Variants in DOCK2 observed in about 807,000 individuals in gnomAD.
DOCK2 encodes dedicator of cytokinesis 2.
In DOCK2, 87 loss-of-function variants were observed where a neutral mutation model predicts 248.9. That is an observed-to-expected ratio of 0.35 (90% confidence interval 0.29 to 0.42). The LOEUF (loss-of-function observed/expected upper bound fraction) is 0.42, where lower values mean the gene tolerates loss of function less well. Among genes scored for constraint, DOCK2 ranks in the 10% least tolerant of loss-of-function variants. The probability of loss-of-function intolerance (pLI) is 1.00; values close to 1 mark genes in which losing one functional copy is unlikely to be tolerated. For synonymous variants in DOCK2, 805 were observed against 821.6 expected (o/e 0.98, Z 0.35); for missense variants, 1,747 against 2,300.2 (o/e 0.76, Z 4.92).
At chr5:169,823,972 C>T (rs1768664536) in intron 26 of DOCK2, among the ~76,000 whole-genome samples, 1 of 152,130 alleles carries the variant, frequency 6.6e-6, no homozygotes, top group South Asian at 2.1e-4. Context: ...TCTTATACTC[C>T]AATAACAGAC....
intron 25 of DOCK2, among the ~76,000 whole-genome samples, chr5:169,801,893 T>C (rs6890504): frequency 0.18 from 27,947 of 151,636 alleles, 4,190 homozygotes; most frequent in African/African-American, 0.42. Context: ...CTCTGTACCT[T>C]GATAAGGAGA....
intron 30 of DOCK2, chr5:170,000,076 G>C (rs1754780215): frequency 6.6e-6 from 1 of 152,160 alleles, no homozygotes; most frequent in Non-Finnish European, 1.5e-5. Flanking sequence ...CAGTTCATGT[G>C]GTCAGGGAAG....
rs559659541 is a variant in DOCK2 at position 169,803,036 on chromosome 5, C to G, written c.2555-22C>G. ...CTAAAAAATGAGGAATTCTACACTA[C>G]TCTGAACTGTCTTTATTCCAGAATG... On this transcript the variant is annotated intron_variant, in intron 25 of 51. Coordinates refer to ENST00000520908, the MANE Select transcript of DOCK2 (RefSeq NM_004946.3). 1.6e-5 allele frequency: 26 copies of G among 1,613,836 alleles called. No homozygotes were observed. The South Asian group carries it at 2.5e-4, about 16-fold the overall frequency.
At chr5:169,814,283 A>G (rs926782768) in intron 26 of DOCK2, among the ~76,000 whole-genome samples, 2 of 152,184 alleles carry the variant, frequency 1.3e-5, no homozygotes, top group African/African-American at 4.8e-5. Flanking sequence ...CATCTCTTCT[A>G]TGGGAATCTT....
rs144693839 is a variant in DOCK2, at chr5:169,712,932, G to A, written c.1659+709G>A. Among the ~76,000 whole-genome samples, 244 of 152,366 alleles carry A rather than the reference G, an allele frequency of 1.6e-3. 1 individual carries two copies. The highest frequency in any genetic ancestry group is 5.5e-3 in the African/African-American group (229 of 41,588). On this transcript the variant is annotated intron_variant, in intron 17 of 51. Coordinates refer to ENST00000520908, the MANE Select transcript of DOCK2 (RefSeq NM_004946.3). Reference sequence around the variant, plus strand: ...TCTACTAGCACCTGGCTGGAGGCAAGTGTATGGCTGTGAGGTGGAGCAAGG... The same window carrying A: ...TCTACTAGCACCTGGCTGGAGGCAAATGTATGGCTGTGAGGTGGAGCAAGG...
intron 27 of DOCK2, among the ~76,000 whole-genome samples, chr5:169,940,530 T>C (rs560704523): frequency 6.6e-6 from 1 of 152,306 alleles, no homozygotes; most frequent in Admixed American, 6.5e-5. Flanking sequence ...CTCACCTTAA[T>C]GTAGAATCAA....
chr5:169,639,928 C>G (rs1283439375), intron 1 of DOCK2, among the ~76,000 whole-genome samples: 1 of 152,218 alleles, frequency 6.6e-6, no homozygotes, highest in Non-Finnish European at 1.5e-5. Context: ...TCTCACAGTT[C>G]TCGAGGCTGG....
At chr5:169,810,601 A>G (rs141875514) in intron 26 of DOCK2, among the ~76,000 whole-genome samples, 85 of 152,000 alleles carry the variant, frequency 5.6e-4, no homozygotes, top group African/African-American at 1.9e-3. Flanking sequence ...TTTCCTTGTA[A>G]GAGTTAAAGC....
chr5:169,774,892 T>TG (rs1339517860), intron 25 of DOCK2, among the ~76,000 whole-genome samples: 14 of 135,388 alleles, frequency 1.0e-4, no homozygotes, highest in Middle Eastern at 3.7e-3. Flanking sequence ...CATGACTGTT[T>TG]TTTGTTGTTG....
chr5:169,881,656 G>GT (rs534536707), intron 27 of DOCK2, among the ~76,000 whole-genome samples: 32 of 152,292 alleles, frequency 2.1e-4, no homozygotes, highest in East Asian at 1.7e-3. Flanking sequence ...CAAGCTGAGA[G>GT]TTTTTTCATG....
chr5:169,750,706 A>G (rs1477752407), intron 23 of DOCK2, among the ~76,000 whole-genome samples: 2 of 152,168 alleles, frequency 1.3e-5, no homozygotes, highest in Admixed American at 6.5e-5. Flanking sequence ...CTCTTTTTCA[A>G]TTTGCTCTAA....
chr5:169,638,779 C>T lies in DOCK2; in HGVS notation c.43+1410C>T, dbSNP rs184193720. Among the ~76,000 whole-genome samples the T allele has an allele frequency of 2.1e-4, 32 of 152,242 alleles. No homozygotes were observed. The East Asian group carries it at 6.0e-3, about 28-fold the overall frequency. ...TGCAATCTCTGTCTGACTTCAGAAC[C>T]CCCATGTGAGGCAGTGTATTATTCC... On this transcript the variant is annotated intron_variant, in intron 1 of 51. Coordinates refer to ENST00000520908, the MANE Select transcript of DOCK2 (RefSeq NM_004946.3).
chr5:169,726,913 C>T (rs1172576625), intron 22 of DOCK2, among the ~76,000 whole-genome samples: 1 of 151,986 alleles, frequency 6.6e-6, no homozygotes, highest in Admixed American at 6.6e-5. Flanking sequence ...TCAAACTAGA[C>T]ATTGAAATGT....
chr5:169,649,835 G>T (rs1254143874), intron 1 of DOCK2, among the ~76,000 whole-genome samples: 3 of 149,486 alleles, frequency 2.0e-5, no homozygotes, highest in Non-Finnish European at 3.0e-5. Context: ...CCGGCGTCTT[G>T]CTCTGTCACC....
At chr5:170,016,290 G>A (rs1021550275) in intron 32 of DOCK2, among the ~76,000 whole-genome samples, 5 of 152,160 alleles carry the variant, frequency 3.3e-5, no homozygotes, top group Admixed American at 6.5e-5. Context: ...GGCTTTTCTC[G>A]AATACAGCAG....
rs1759819188 is a variant in DOCK2, at chr5:169,684,062, C to G, written c.607-134C>G. 1.6e-5 allele frequency: 16 copies of G among 1,029,774 alleles called. No homozygotes were observed. The East Asian group carries it at 3.9e-4, about 25-fold the overall frequency. 63.8% of individuals were successfully genotyped at this position (1,029,774 alleles called of 1,614,324 possible). ...AGCGAATTGATTCAGGTTACAGAAG[C>G]TTTTGATGGCAGAGCTGGATGGAAT... On this transcript the variant is annotated intron_variant, in intron 7 of 51. Transcript: ENST00000520908.
chr5:169,816,951 A>T (rs539709948), intron 26 of DOCK2, among the ~76,000 whole-genome samples: 2 of 152,270 alleles, frequency 1.3e-5, no homozygotes, highest in South Asian at 2.1e-4. Flanking sequence ...TTACAACCTG[A>T]ATCTAGCCCA....
intron 27 of DOCK2, among the ~76,000 whole-genome samples, chr5:169,864,768 G>A (rs1286112596): frequency 1.3e-5 from 2 of 152,152 alleles, no homozygotes; most frequent in South Asian, 2.1e-4. Flanking sequence ...TGGGGTTTTG[G>A]CATGTGTTAT....
intron 12 of DOCK2, 37 bp from the exon 13 acceptor site, chr5:169,699,977 A>C (rs964473960): frequency 6.2e-7 from 1 of 1,611,284 alleles, no homozygotes; most frequent in Admixed American, 1.7e-5. Flanking sequence ...GGTCACTTGC[A>C]AAAGTGGGCT....
Sources: allele counts gnomAD v4.1 joint callset (sites outside exome capture counted in the v4.1 genomes callset), GRCh38; gene constraint gnomAD v4.1.1; transcripts MANE v1.5; gene names NCBI Gene and HGNC (gene_info 2026-07-23, HGNC 2026-07-21).